Variants in LARP4 observed in about 807,000 individuals in gnomAD.
LARP4 encodes the protein la-related protein 4.
In LARP4, 29 loss-of-function variants were observed where a neutral mutation model predicts 92.9. That is an observed-to-expected ratio of 0.31 (90% CI 0.23 to 0.43). LARP4 has a LOEUF of 0.43. LARP4 is among the 20% of genes least tolerant of loss of function. LARP4 has a pLI of 1.00. For synonymous variants in LARP4, 279 were observed against 284.1 expected, an observed-to-expected ratio of 0.98 and a Z score of 0.18; for missense variants, 732 against 860.0, an observed-to-expected ratio of 0.85 and a Z score of 1.86.
chr12:50,439,954 C>T (rs144653546), intron 6 of LARP4, among the ~76,000 whole-genome samples: 53 of 152,168 alleles, frequency 3.5e-4, no homozygotes, highest in African/African-American at 1.2e-3. Context: ...AGCAAAGCAA[C>T]TGGATTAAAT....
chr12:50,417,386 A>G (rs1565956887), intron 1 of LARP4, among the ~76,000 whole-genome samples: 1 of 151,912 alleles, frequency 6.6e-6, no homozygotes, highest in South Asian at 2.1e-4. Context: ...AAAAAAAAAA[A>G]GAAAAAAAAG....
intron 8 of LARP4, among the ~76,000 whole-genome samples, chr12:50,444,325 T>C (rs907364795): frequency 3.3e-5 from 5 of 152,236 alleles, no homozygotes; most frequent in Non-Finnish European, 7.3e-5. Flanking sequence ...CCATTTCTTA[T>C]TTCTATTGCT....
chr12:50,432,868 A>AAG (rs1949870961), intron 4 of LARP4, among the ~76,000 whole-genome samples: 1 of 150,824 alleles, frequency 6.6e-6, no homozygotes, highest in Non-Finnish European at 1.5e-5. Context: ...TTCAAAAAAA[A>AAG]AAAAAAAAAG....
In LARP4 at chr12:50,475,812, T is replaced by C; in HGVS notation, c.2123T>C (p.Val708Ala). The change falls in exon 16 of 16, where the codon GTG becomes GCG. Residue 708 changes from valine to alanine, a missense_variant. Around this residue, in one of 7 missense-constraint regions of LARP4, gnomAD observed 115 missense variants for 129.1 expected, o/e 0.89. Transcript: ENST00000398473. ...QFSHRAIPQG[V>A]TRRNGKEQYV... is the part of the protein sequence containing the mutation. ...AGCCATAGGGCTATACCTCAGGGAG[T>C]GACTCGACGTAATGGCAAAGAGCAA... 6.2e-7 allele frequency: 1 copy of C among 1,613,792 alleles called. No individual in the cohort carries two copies. Among genetic ancestry groups the C allele is most frequent in the South Asian group, 1.1e-5 (1 of 91,050 alleles).
chr12:50,454,174 G>C, intron 9 of LARP4, 140 bp from the exon 10 acceptor site: 1 of 596,636 alleles, frequency 1.7e-6, no homozygotes, highest in East Asian at 2.8e-5. Context: ...AGTGAATATT[G>C]CAGAAATGAA....
chr12:50,446,258 A>G (rs1473772198), intron 8 of LARP4, among the ~76,000 whole-genome samples: 2 of 142,606 alleles, frequency 1.4e-5, no homozygotes, highest in Non-Finnish European at 3.0e-5. Context: ...TGCCCACCTC[A>G]GCCTCCCAAA....
intron 2 of LARP4, among the ~76,000 whole-genome samples, chr12:50,428,122 G>C (rs916676787): frequency 2.6e-5 from 4 of 151,196 alleles, no homozygotes; most frequent in Non-Finnish European, 5.9e-5. Flanking sequence ...CAGCCTCCCG[G>C]GTGGCTGGGA....
intron 11 of LARP4, 162 bp downstream of exon 11, chr12:50,461,509 AATT>A (rs1298816141): frequency 1.2e-4 from 90 of 757,618 alleles, no homozygotes; most frequent in Non-Finnish European, 4.3e-5. Flanking sequence ...TGCTTTTTAT[AATT>A]ATTAAGAAAT....
At chr12:50,448,741 T>A (rs1323360586) in intron 8 of LARP4, among the ~76,000 whole-genome samples, 1 of 151,880 alleles carries the variant, frequency 6.6e-6, no homozygotes, top group African/African-American at 2.4e-5. Flanking sequence ...GCCAGGCTGG[T>A]CTCAAACTCC....
intron 1 of LARP4, among the ~76,000 whole-genome samples, chr12:50,419,280 T>C (rs1270435747): frequency 6.6e-6 from 1 of 152,112 alleles, no homozygotes; most frequent in Non-Finnish European, 1.5e-5. Flanking sequence ...GTTGGAGGAT[T>C]GCTTCATCTT....
intron 1 of LARP4, among the ~76,000 whole-genome samples, chr12:50,418,063 A>C (rs1227780391): frequency 6.6e-6 from 1 of 152,258 alleles, no homozygotes; most frequent in East Asian, 1.9e-4. Flanking sequence ...GTTTCACCAC[A>C]TTGGCCAGGC....
intron 15 of LARP4, among the ~76,000 whole-genome samples, chr12:50,474,740 TA>T (rs1386176627): frequency 1.3e-5 from 2 of 152,240 alleles, no homozygotes; most frequent in Admixed American, 1.3e-4. Flanking sequence ...ATTTTGGGGC[TA>T]ACATAAAGAG....
chr12:50,462,534 G>A (rs2138723275), intron 11 of LARP4, 48 bp from the exon 12 acceptor site: 1 of 984,670 alleles, frequency 1.0e-6, no homozygotes, highest in Non-Finnish European at 1.6e-6. Context: ...AGAAACTTAT[G>A]ACTTGTCCCT....
chr12:50,431,871 G>T (rs1401621682), intron 4 of LARP4, among the ~76,000 whole-genome samples: 2 of 152,110 alleles, frequency 1.3e-5, no homozygotes, highest in African/African-American at 4.8e-5. Flanking sequence ...AAACATTCAT[G>T]TAATATTTAC....
intron 1 of LARP4, among the ~76,000 whole-genome samples, chr12:50,423,378 A>C (rs1421767755): frequency 6.6e-6 from 1 of 152,188 alleles, no homozygotes; most frequent in Non-Finnish European, 1.5e-5. Flanking sequence ...GTGTTTGTGT[A>C]GTATACTTTT....
chr12:50,408,625 T>G (rs1945287753), intron 1 of LARP4, among the ~76,000 whole-genome samples: 2 of 152,180 alleles, frequency 1.3e-5, no homozygotes, highest in African/African-American at 4.8e-5. Flanking sequence ...GGTAAGATGA[T>G]CTTACCTGCT....
intron 13 of LARP4, among the ~76,000 whole-genome samples, chr12:50,467,829 T>TC (rs1252029139): frequency 1.4e-5 from 2 of 147,788 alleles, no homozygotes; most frequent in Non-Finnish European, 3.0e-5. Flanking sequence ...CACAAGTTTT[T>TC]CTCATTTTCT....
chr12:50,402,044 TAAG>T (rs1260210595), intron 1 of LARP4, among the ~76,000 whole-genome samples: 1 of 152,044 alleles, frequency 6.6e-6, no homozygotes, highest in African/African-American at 2.4e-5. Context: ...ACTATGCCCA[TAAG>T]AAGAATCTTT....
In LARP4 at chr12:50,480,002, G is replaced by T. The variant is rs1037173855; in HGVS notation, c.*4138G>T. 1 of 152,186 alleles carries T rather than the reference G, an allele frequency of 6.6e-6. No homozygotes were observed. Among genetic ancestry groups the T allele is most frequent in the African/African-American group, 2.4e-5 (1 of 41,430 alleles). The allele number at this position is 152,186 out of a possible 1,614,324, so 9.4% of individuals were successfully genotyped here. A position where few individuals can be genotyped will look rare whatever the true frequency, so the allele number is the denominator to read the frequency against. ...AGAAAAAAAATAAAATTATTAAAAA[G>T]CAGGACTGGTTTCCTTTTCTCTAGG... On this transcript the variant is annotated 3_prime_UTR_variant, in exon 16 of 16. Transcript: ENST00000398473.
Sources: gnomAD v4.1 joint callset for allele counts (sites outside exome capture counted in the v4.1 genomes callset) on GRCh38, gnomAD v4.1.1 for gene constraint, gnomAD v4.1.1 regional missense constraint, MANE v1.5 for transcripts, NCBI Gene and HGNC (gene_info 2026-07-23, HGNC 2026-07-21) for gene names.